Variants in SUPT3H observed in about 807,000 individuals in gnomAD.
SUPT3H encodes the protein transcription initiation protein SPT3 homolog.
A neutral mutation model predicts 44.3 loss-of-function variants in SUPT3H; 44 were observed. The observed-to-expected ratio is 0.99, with a 90% confidence interval of 0.78 to 1.28. The LOEUF (loss-of-function observed/expected upper bound fraction) is 1.28, where lower values mean the gene tolerates loss of function less well. SUPT3H is among the 50% of genes most tolerant of loss of function. The pLI is 0.00. For synonymous variants in SUPT3H, 124 were observed against 125.6 expected, an observed-to-expected ratio of 0.99 and a Z score of 0.09; for missense variants, 380 against 387.1, an observed-to-expected ratio of 0.98 and a Z score of 0.15.
chr6:45,203,145 A>T (rs1478701695), intron 2 of SUPT3H, among the ~76,000 whole-genome samples: 2 of 152,208 alleles, frequency 1.3e-5, no homozygotes, highest in Admixed American at 1.3e-4. Flanking sequence ...TTAAGTGGAT[A>T]GAGAATACAG....
intron 10 of SUPT3H, among the ~76,000 whole-genome samples, chr6:44,904,114 C>A (rs921779102): frequency 3.9e-5 from 6 of 152,170 alleles, no homozygotes; most frequent in African/African-American, 7.2e-5. Flanking sequence ...CCTTTGAAAA[C>A]TGGCACAAGA....
intron 2 of SUPT3H, among the ~76,000 whole-genome samples, chr6:45,333,750 T>C (rs1787985407): frequency 6.6e-6 from 1 of 151,378 alleles, no homozygotes; most frequent in South Asian, 2.1e-4. Flanking sequence ...CATAAGTACT[T>C]AATACATGAA....
chr6:45,343,329 C>T (rs530191640), intron 2 of SUPT3H, among the ~76,000 whole-genome samples: 6 of 152,196 alleles, frequency 3.9e-5, no homozygotes, highest in African/African-American at 1.4e-4. Flanking sequence ...GGTGAAACCC[C>T]TTCTCTACTA....
chr6:45,144,285 A>C (rs1321449534), intron 2 of SUPT3H, among the ~76,000 whole-genome samples: 2 of 152,248 alleles, frequency 1.3e-5, no homozygotes, highest in East Asian at 3.8e-4. Context: ...GTAGATGCAA[A>C]GATCCTTAAC....
chr6:44,940,364 CTT>C (rs1455770703), intron 9 of SUPT3H, among the ~76,000 whole-genome samples: 3 of 152,032 alleles, frequency 2.0e-5, no homozygotes, highest in African/African-American at 7.2e-5. Context: ...TGAAGCTCCT[CTT>C]GTTACTGGTT....
intron 10 of SUPT3H, among the ~76,000 whole-genome samples, chr6:44,884,996 C>T (rs192494615): frequency 1.8e-3 from 272 of 152,260 alleles, no homozygotes; most frequent in African/African-American, 6.4e-3. Flanking sequence ...CCTACGCCCA[C>T]GGAGTCTGGC....
At chr6:45,240,314 T>G (rs1430276547) in intron 2 of SUPT3H, among the ~76,000 whole-genome samples, 1 of 152,202 alleles carries the variant, frequency 6.6e-6, no homozygotes, top group Non-Finnish European at 1.5e-5. Context: ...ATGATAGCTA[T>G]GATAGCGGTG....
intron 2 of SUPT3H, among the ~76,000 whole-genome samples, chr6:45,109,648 T>C (rs894023663): frequency 2.6e-5 from 4 of 152,164 alleles, no homozygotes; most frequent in African/African-American, 7.2e-5. Context: ...ACAGCTTTTA[T>C]AAATAACTTC....
At chr6:45,149,064 T>A in intron 2 of SUPT3H, among the ~76,000 whole-genome samples, 1 of 152,232 alleles carries the variant, frequency 6.6e-6, no homozygotes, top group East Asian at 1.9e-4. Flanking sequence ...TTCTCTTTTG[T>A]GTGAACTGTT....
intron 2 of SUPT3H, among the ~76,000 whole-genome samples, chr6:45,291,945 C>A (rs1041066969): frequency 3.9e-5 from 6 of 152,222 alleles, no homozygotes; most frequent in South Asian, 4.1e-4. Context: ...GGAACACCTG[C>A]AAAATTCATC....
chr6:44,912,466 C>T (rs1767202145), intron 10 of SUPT3H, among the ~76,000 whole-genome samples: 1 of 152,164 alleles, frequency 6.6e-6, no homozygotes, highest in Non-Finnish European at 1.5e-5. Flanking sequence ...CTATGTTTTG[C>T]ATCCCCATTC....
intron 2 of SUPT3H, among the ~76,000 whole-genome samples, chr6:45,309,342 G>GA (rs541175267): frequency 1.5e-3 from 230 of 151,218 alleles, no homozygotes; most frequent in African/African-American, 5.4e-3. Context: ...TTCCAAAGCC[G>GA]AAAAACACGA....
intron 3 of SUPT3H, among the ~76,000 whole-genome samples, chr6:45,088,239 C>T (rs1028854632): frequency 6.6e-6 from 1 of 151,890 alleles, no homozygotes; most frequent in Admixed American, 6.6e-5. Context: ...AGAATATTGG[C>T]AATAAAAAGT....
chr6:45,125,265 G>A (rs1189602162), intron 2 of SUPT3H, among the ~76,000 whole-genome samples: 4 of 152,150 alleles, frequency 2.6e-5, no homozygotes, highest in African/African-American at 9.7e-5. Flanking sequence ...CAAATAACAT[G>A]TCATCATTTA....
chr6:45,291,055 C>T (rs1179109962), intron 2 of SUPT3H, among the ~76,000 whole-genome samples: 2 of 152,168 alleles, frequency 1.3e-5, no homozygotes, highest in Non-Finnish European at 2.9e-5. Flanking sequence ...TCCTGCAAGA[C>T]CCTGGAGACA....
chr6:44,895,251 CT>C (rs1307602324), intron 10 of SUPT3H, among the ~76,000 whole-genome samples: 3 of 99,222 alleles, frequency 3.0e-5, no homozygotes, highest in African/African-American at 7.4e-5. Flanking sequence ...ATCACTTAGT[CT>C]TGTTTTTTTT....
At chr6:44,986,558 T>C (rs895598911) in intron 6 of SUPT3H, among the ~76,000 whole-genome samples, 7 of 152,146 alleles carry the variant, frequency 4.6e-5, no homozygotes, top group African/African-American at 1.7e-4. Flanking sequence ...ATCTTTACAA[T>C]ACTTTGAGTT....
At chr6:44,906,343 A>G (rs989078724) in intron 10 of SUPT3H, among the ~76,000 whole-genome samples, 2 of 152,186 alleles carry the variant, frequency 1.3e-5, no homozygotes, top group African/African-American at 4.8e-5. Context: ...CAGAGGAACA[A>G]TGTTTATTGT....
chr6:45,186,975 T>C (rs1004327674), intron 2 of SUPT3H, among the ~76,000 whole-genome samples: 2 of 151,802 alleles, frequency 1.3e-5, no homozygotes, highest in Admixed American at 1.3e-4. Flanking sequence ...GCACTAAAAG[T>C]ACACAGGTTT....
Sources: allele counts gnomAD v4.1 joint callset (sites outside exome capture counted in the v4.1 genomes callset), GRCh38; gene constraint gnomAD v4.1.1; transcripts MANE v1.5; gene names NCBI Gene and HGNC (gene_info 2026-07-23, HGNC 2026-07-21).